Variants in RELN observed in about 807,000 individuals in gnomAD.
RELN encodes reelin.
A neutral mutation model predicts 427.6 loss-of-function variants in RELN; 108 were observed. That is an observed-to-expected ratio of 0.25 (90% CI 0.22 to 0.30). The LOEUF (loss-of-function observed/expected upper bound fraction) is 0.30. Among genes scored for constraint, RELN ranks in the 10% least tolerant of loss-of-function variants. The pLI is 1.00. For synonymous variants in RELN, 1,524 were observed against 1,513.4 expected, an observed-to-expected ratio of 1.01 and a Z score of -0.16; for missense variants, 3,715 against 4,302.8, an observed-to-expected ratio of 0.86 and a Z score of 3.82.
At chr7:103,924,991 TACACACACACACACACAC>T (rs57662220) in intron 1 of RELN, among the ~76,000 whole-genome samples, 85 of 49,100 alleles carry the variant, frequency 1.7e-3, no homozygotes, top group African/African-American at 4.7e-3. Context: ...CGCATACACA[TACACACACACACACACAC>T]ACACACACAC....
At chr7:103,701,801 T>C (rs1270434779) in intron 8 of RELN, among the ~76,000 whole-genome samples, 3 of 152,168 alleles carry the variant, frequency 2.0e-5, no homozygotes, top group Non-Finnish European at 2.9e-5. Flanking sequence ...GAAATTTTTA[T>C]ACTATCTTTA....
At chr7:103,546,083 C>T (rs185680013) in intron 41 of RELN, among the ~76,000 whole-genome samples, 1 of 152,302 alleles carries the variant, frequency 6.6e-6, no homozygotes, top group Non-Finnish European at 1.5e-5. Context: ...CAACCATCAC[C>T]TCTTTCTAGT....
chr7:103,787,489 T>C (rs1300921985), intron 3 of RELN, among the ~76,000 whole-genome samples: 2 of 152,072 alleles, frequency 1.3e-5, no homozygotes, highest in African/African-American at 4.8e-5. Context: ...ACAATAAAAA[T>C]GATAAACGGG....
chr7:103,728,350 T>C, intron 6 of RELN, 143 bp from the exon 7 acceptor site: 1 of 794,930 alleles, frequency 1.3e-6, no homozygotes, highest in Non-Finnish European at 2.1e-6. Context: ...TGCATCATGA[T>C]AAGGTTAAGA....
In RELN at chr7:103,790,548, C is replaced by T. The variant is rs150042365; in HGVS notation, c.474-13921G>A. Among the ~76,000 whole-genome samples the T allele has an allele frequency of 6.6e-4, 100 of 152,170 alleles. No homozygotes were observed. The East Asian group carries it at 9.9e-3, about 15-fold the overall frequency. On this transcript the variant is annotated intron_variant, in intron 3 of 64. Transcript: ENST00000428762. ...AACTTCATGTTTGTGTCCCACCCTC[C>T]GCCCCTCCAAATTCATATGTCATTA... is the stretch of plus-strand genomic sequence containing the variant.
chr7:103,621,143 T>C (rs3808028), intron 20 of RELN, among the ~76,000 whole-genome samples: 6,121 of 152,272 alleles, frequency 0.04, 166 homozygotes, highest in East Asian at 0.14. Context: ...CTATGTCTCA[T>C]GTTAAATATA....
At position 103,926,627 on chromosome 7, in the gene RELN, GTTTTTTTTTTTTTTTTT is replaced by G. The variant is rs60259062; in HGVS notation, c.227-9459_227-9443del. On this transcript the variant is annotated intron_variant, in intron 1 of 64. Transcript: ENST00000428762. ...CGAACGCAGCTCTAAAGTATCATAA[GTTTTTTTTTTTTTTTTT>G]TTTTTTTTTTTTTTTTTTGAGACGG... Among the ~76,000 whole-genome samples, 963 of 99,388 alleles carry G rather than the reference GTTTTTTTTTTTTTTTTT, an allele frequency of 9.7e-3. 8 individuals are homozygous for G. Among genetic ancestry groups the G allele is most frequent in the African/African-American group, 0.016 (440 of 28,156 alleles). The allele number at this position is 99,388 out of a possible 152,430, so 65.2% of individuals were successfully genotyped here. A position where few individuals can be genotyped will look rare whatever the true frequency, so the allele number is the denominator to read the frequency against.
At position 103,596,519 on chromosome 7, in the gene RELN, T is replaced by C. The variant is rs146768228; in HGVS notation, c.3476A>G (p.Asn1159Ser). The C allele has an allele frequency of 1.2e-5, 19 of 1,613,940 alleles. No individual in the cohort carries two copies. Among genetic ancestry groups the C allele is most frequent in the African/African-American group, 2.7e-5 (2 of 74,924 alleles). Residue 1159 changes from asparagine to serine, a missense_variant, in exon 25 of 65, where the codon AAC (asparagine) becomes AGC (serine). Around this residue, in one of 4 missense-constraint regions of RELN, gnomAD observed 2,208 missense variants for 2,361.7 expected, o/e 0.93. Transcript: ENST00000428762. Reference protein sequence around the residue: ...REEGVLLQYSNNGGIQWHLLA... With the variant: ...REEGVLLQYSSNGGIQWHLLA... ...CAGGTGCCACTGGATGCCCCCATTG[T>C]TGCTGTACTGAAGGAGGACGCCCTC... is the stretch of plus-strand genomic sequence containing the variant.
At chr7:103,513,983 C>T (rs1320228896) in intron 50 of RELN, 1 of 152,008 alleles carries the variant, frequency 6.6e-6, no homozygotes, top group African/African-American at 2.4e-5. Context: ...AAAATATGAA[C>T]TAAAATTAAA....
chr7:103,882,263 G>T (rs915447902), intron 2 of RELN, among the ~76,000 whole-genome samples: 2 of 152,044 alleles, frequency 1.3e-5, no homozygotes, highest in Non-Finnish European at 2.9e-5. Context: ...ATACATATTT[G>T]CTCTTGAGTG....
intron 46 of RELN, among the ~76,000 whole-genome samples, chr7:103,533,220 T>C (rs911000465): frequency 1.3e-5 from 2 of 152,240 alleles, no homozygotes; most frequent in Non-Finnish European, 2.9e-5. Context: ...TTCCTAACCC[T>C]TACTGAGCAC....
chr7:103,759,412 C>CT (rs1217587433), intron 4 of RELN, among the ~76,000 whole-genome samples: 1 of 152,082 alleles, frequency 6.6e-6, no homozygotes, highest in Admixed American at 6.5e-5. Context: ...GAATAACATG[C>CT]TTCTTGGTCT....
chr7:103,790,476 CTGGGGTAGTCAAAATA>C (rs1792132817), intron 3 of RELN, among the ~76,000 whole-genome samples: 1 of 151,974 alleles, frequency 6.6e-6, no homozygotes, highest in African/African-American at 2.4e-5. Context: ...ATTTCCAGGC[CTGGGGTAGTCAAAATA>C]TGGGCATAAG....
intron 2 of RELN, among the ~76,000 whole-genome samples, chr7:103,883,779 G>C (rs1029561645): frequency 7.2e-5 from 11 of 152,174 alleles, no homozygotes; most frequent in Admixed American, 3.9e-4. Flanking sequence ...CAAGGAATAA[G>C]AGAGGACACA....
chr7:103,477,953 A>G (rs1188903975), intron 64 of RELN, among the ~76,000 whole-genome samples: 1 of 152,210 alleles, frequency 6.6e-6, no homozygotes, highest in Non-Finnish European at 1.5e-5. Context: ...CATCTTCAGC[A>G]TAGTAGGTCT....
intron 3 of RELN, among the ~76,000 whole-genome samples, chr7:103,784,941 T>A (rs1791980828): frequency 6.6e-6 from 1 of 152,158 alleles, no homozygotes; most frequent in South Asian, 2.1e-4. Flanking sequence ...ATACAGAATG[T>A]TAAATGCTTT....
chr7:103,611,628 A>C lies in RELN; in HGVS notation c.2878T>G (p.Trp960Gly). 6.2e-7 allele frequency: 1 copy of C among 1,613,482 alleles called. No individual in the cohort carries two copies. The change falls in exon 21 of 65, where the codon TGG (tryptophan) becomes GGG (glycine). Residue 960 changes from tryptophan (W) to glycine (G), a missense_variant. Trp to Gly is a radical substitution (Grantham distance 184, BLOSUM62 -2). Coordinates refer to ENST00000428762, the MANE Select transcript of RELN (RefSeq NM_005045.4). ...AGACTTACTTCTTGGACGAGGTGCCAGGTAAGGCCGTGGTTGGTTGAGTAC... is the reference window on the plus strand; with the variant it reads ...AGACTTACTTCTTGGACGAGGTGCCCGGTAAGGCCGTGGTTGGTTGAGTAC... ...LEYSTNHGLTWHLVQEECLPS... is the reference protein window; with the variant it reads ...LEYSTNHGLTGHLVQEECLPS...
intron 41 of RELN, among the ~76,000 whole-genome samples, chr7:103,550,011 CT>C (rs777720876): frequency 4.7e-4 from 72 of 152,172 alleles, no homozygotes; most frequent in Non-Finnish European, 9.6e-4. Context: ...TTCTTGAGGA[CT>C]TTTTGCTTAG....
At chr7:103,576,997 T>C (rs1276419004) in intron 28 of RELN, among the ~76,000 whole-genome samples, 2 of 152,176 alleles carry the variant, frequency 1.3e-5, no homozygotes, top group Non-Finnish European at 2.9e-5. Flanking sequence ...TATAATTTCA[T>C]ACCAGGGAAC....
Sources: allele counts gnomAD v4.1 joint callset (sites outside exome capture counted in the v4.1 genomes callset), GRCh38; gene constraint gnomAD v4.1.1; regional missense constraint gnomAD v4.1.1; transcripts MANE v1.5; gene names NCBI Gene and HGNC (gene_info 2026-07-23, HGNC 2026-07-21).